The following KIDINS220 variants were observed in gnomAD, a reference collection of about 807,000 sequenced individuals.
The protein encoded by KIDINS220 is kinase D interacting substrate 220.
Under a neutral mutation model 157.6 loss-of-function variants are expected in KIDINS220, and 63 were observed. The observed-to-expected ratio is 0.40, with a 90% CI of 0.33 to 0.49. KIDINS220 has a LOEUF of 0.49. KIDINS220 is among the 20% of genes least tolerant of loss of function. The probability of loss-of-function intolerance (pLI) is 0.66; values close to 1 mark genes in which losing one functional copy is unlikely to be tolerated. For missense variants in KIDINS220, 1,772 were observed against 2,171.2 expected (o/e 0.82, Z 3.65); for synonymous variants, 732 against 783.6 (o/e 0.93, Z 1.10).
downstream of KIDINS220, chr2:8,726,836 C>G: frequency 3.2e-6 from 3 of 952,306 alleles, no homozygotes; most frequent in Non-Finnish European, 2.9e-6. Context: ...CCAAAACGTC[C>G]TAACGTGGCA....
At chr2:8,736,765 G>GA in intron 27 of KIDINS220, 103 bp downstream of exon 27, 1 of 1,210,688 alleles carries the variant, frequency 8.3e-7, no homozygotes, top group Non-Finnish European at 1.1e-6. Flanking sequence ...TTTTAACAGG[G>GA]AATGCATGTT....
At chr2:8,767,474 A>G (rs1669630754) in intron 22 of KIDINS220, among the ~76,000 whole-genome samples, 1 of 152,208 alleles carries the variant, frequency 6.6e-6, no homozygotes, top group Non-Finnish European at 1.5e-5. Context: ...ACTTTGTACT[A>G]CAAAGGAGGT....
At position 8,806,527 on chromosome 2, in the gene KIDINS220, CATTT is replaced by C. The variant is rs528301040; in HGVS notation, c.505-162_505-159del. 6.8e-5 allele frequency: 37 copies of C among 541,766 alleles called. 3 individuals carry two copies. The highest frequency in any genetic ancestry group is 6.4e-4 in the African/African-American group (33 of 51,462). The allele number at this position is 541,766 out of a possible 1,614,324, so 33.6% of individuals were successfully genotyped here. A position where few individuals can be genotyped will look rare whatever the true frequency, so the allele number is the denominator to read the frequency against. On this transcript the variant is annotated intron_variant, in intron 6 of 29. Coordinates refer to ENST00000256707, the MANE Select transcript of KIDINS220 (RefSeq NM_020738.4). ...AATCTTAGATAAATCCTATTTCTCC[CATTT>C]TATTTCTCCTGAGTAGATTAACCAG...
At chr2:8,806,805 T>G (rs1271700850) in intron 6 of KIDINS220, among the ~76,000 whole-genome samples, 2 of 152,184 alleles carry the variant, frequency 1.3e-5, no homozygotes, top group South Asian at 4.1e-4. Flanking sequence ...GGTCTTGAAC[T>G]CCTGACCTCA....
At chr2:8,727,652 T>C (rs961585713), downstream of KIDINS220, among the ~76,000 whole-genome samples, 2 of 152,236 alleles carry the variant, frequency 1.3e-5, no homozygotes, top group African/African-American at 4.8e-5. Flanking sequence ...CAGTCTAACA[T>C]GCAAATGTTC....
chr2:8,815,306 T>C (rs542293038), intron 4 of KIDINS220, among the ~76,000 whole-genome samples: 1 of 147,488 alleles, frequency 6.8e-6, no homozygotes, highest in African/African-American at 2.5e-5. Flanking sequence ...GGAGCTGAAA[T>C]GGGAGGATCG....
At chr2:8,733,864 A>G (rs1326653240) in intron 28 of KIDINS220, among the ~76,000 whole-genome samples, 184 bp from the exon 29 acceptor site, 1 of 152,226 alleles carries the variant, frequency 6.6e-6, no homozygotes, top group Non-Finnish European at 1.5e-5. Flanking sequence ...CATTAATACT[A>G]AAGGAAGCAA....
intron 21 of KIDINS220, among the ~76,000 whole-genome samples, chr2:8,772,086 G>A (rs1160567774): frequency 6.6e-6 from 1 of 152,212 alleles, no homozygotes; most frequent in Non-Finnish European, 1.5e-5. Context: ...GCAGAGTGAG[G>A]ACATTCAGAC....
rs1458280741 is a variant in KIDINS220 at position 8,731,503 on chromosome 2, T to C, written c.4533A>G (p.Gly1511=). 1 of 1,614,082 alleles carries C rather than the reference T, an allele frequency of 6.2e-7. No individual in the cohort carries two copies. Among genetic ancestry groups the C allele is most frequent in the Non-Finnish European group, 8.5e-7 (1 of 1,180,046 alleles). The change falls in exon 30 of 30, where the codon GGA becomes GGG. Residue 1511 remains glycine, a synonymous_variant. Coordinates refer to ENST00000256707, the MANE Select transcript of KIDINS220 (RefSeq NM_020738.4). This position sits in a 1 kb window ranked among gnomAD's most constrained non-coding sequence, Gnocchi z 5.2. Reference sequence around the variant, plus strand: ...GGAGTTTTTGATAGCGCAGCCCACTTCCCTTAAGCTTCAAATCTGTCTGGA... The same window carrying C: ...GGAGTTTTTGATAGCGCAGCCCACTCCCCTTAAGCTTCAAATCTGTCTGGA... ...SLFQTDLKLK[G]SGLRYQKLPS...
chr2:8,812,660 T>C (rs1676490955), intron 5 of KIDINS220, among the ~76,000 whole-genome samples, 167 bp from the exon 6 acceptor site: 1 of 152,178 alleles, frequency 6.6e-6, no homozygotes, highest in South Asian at 2.1e-4. Flanking sequence ...AAAGTAATGT[T>C]TTTTTTAAAT....
chr2:8,731,674 C>T lies in KIDINS220; in HGVS notation c.4362G>A (p.Arg1454=). ...DDGRKSFLMK[R]GDVIDYSSSG... ...ATGATGAATAATCGATAACATCTCCCCTCTTCATTAGAAAGGACTTCCTCC... is the reference window on the plus strand; with the variant it reads ...ATGATGAATAATCGATAACATCTCCTCTCTTCATTAGAAAGGACTTCCTCC... The change falls in exon 30 of 30, where the codon AGG becomes AGA. Residue 1454 remains arginine (R), a synonymous_variant. Coordinates refer to ENST00000256707, the MANE Select transcript of KIDINS220 (RefSeq NM_020738.4). The surrounding 1 kb of genome is among the most constrained non-coding windows in gnomAD (Gnocchi z 5.2). 1.2e-6 allele frequency: 2 copies of T among 1,614,112 alleles called. No individual in the cohort carries two copies. The highest frequency in any genetic ancestry group is 1.1e-5 in the South Asian group (1 of 91,078).
intron 8 of KIDINS220, among the ~76,000 whole-genome samples, chr2:8,801,090 G>A (rs775382724): frequency 3.9e-5 from 6 of 152,108 alleles, no homozygotes; most frequent in African/African-American, 4.8e-5. Flanking sequence ...ACCTCATGAG[G>A]ACATTGCTCT....
chr2:8,730,419 T>C lies in KIDINS220; in HGVS notation c.*301A>G. On this transcript the variant is annotated 3_prime_UTR_variant, in exon 30 of 30. Coordinates refer to ENST00000256707, the MANE Select transcript of KIDINS220 (RefSeq NM_020738.4). Reference sequence around the variant, plus strand: ...AGCCCTTTAAAATACTTCTGACCTATCTTTATACTCAGATCTCACCTCGTC... The same window carrying C: ...AGCCCTTTAAAATACTTCTGACCTACCTTTATACTCAGATCTCACCTCGTC... 1 of 1,169,578 alleles carries C rather than the reference T, an allele frequency of 8.6e-7. No individual in the cohort carries two copies. Among genetic ancestry groups the C allele is most frequent in the South Asian group, 3.5e-5 (1 of 28,544 alleles). 72.5% of individuals were successfully genotyped at this position (1,169,578 alleles called of 1,614,324 possible). A position where few individuals can be genotyped will look rare whatever the true frequency, so the allele number is the denominator to read the frequency against.
rs1674240043 is a variant in KIDINS220, at chr2:8,798,318, AC to A, written c.901-19del. On this transcript the variant is annotated intron_variant, in intron 9 of 29. Transcript: ENST00000256707. ...TTATTATCCTAGATAATTAAAAAAA[AC>A]ACAATCACTTCATGTAAGATACAAT... The A allele has an allele frequency of 3.8e-6, 5 of 1,323,970 alleles. No individual in the cohort carries two copies. The highest frequency in any genetic ancestry group is 1.2e-5 in the South Asian group (1 of 84,272). The allele number at this position is 1,323,970 out of a possible 1,614,324, so 82.0% of individuals were successfully genotyped here. A position where few individuals can be genotyped will look rare whatever the true frequency, so the allele number is the denominator to read the frequency against.
At chr2:8,785,297 T>C (rs1299372107) in intron 17 of KIDINS220, among the ~76,000 whole-genome samples, 1 of 152,092 alleles carries the variant, frequency 6.6e-6, no homozygotes, top group Non-Finnish European at 1.5e-5. Context: ...GCACAGAAGA[T>C]TTTGAGGGCA....
chr2:8,753,849 G>A (rs997523558), intron 22 of KIDINS220, among the ~76,000 whole-genome samples: 5 of 152,204 alleles, frequency 3.3e-5, no homozygotes, highest in Non-Finnish European at 7.3e-5. Context: ...AGAATAGGGT[G>A]CTGGGGAGAA....
At chr2:8,786,385 ACTTT>A in intron 15 of KIDINS220, 28 bp from the exon 16 acceptor site, 1 of 1,570,506 alleles carries the variant, frequency 6.4e-7, no homozygotes, top group Non-Finnish European at 8.8e-7. Flanking sequence ...ATCAAACATT[ACTTT>A]ATTATCTAAA....
At chr2:8,807,807 A>C (rs574977787) in intron 6 of KIDINS220, among the ~76,000 whole-genome samples, 4 of 152,292 alleles carry the variant, frequency 2.6e-5, no homozygotes, top group East Asian at 3.9e-4. Context: ...GCCTCAAAGC[A>C]GGCTTAGGAA....
At chr2:8,758,115 G>A (rs553241009) in intron 22 of KIDINS220, among the ~76,000 whole-genome samples, 1 of 152,238 alleles carries the variant, frequency 6.6e-6, no homozygotes, top group East Asian at 1.9e-4. Flanking sequence ...TGCCTGCATC[G>A]GCCTGCTAAA....
Sources: allele counts gnomAD v4.1 joint callset (sites outside exome capture counted in the v4.1 genomes callset), GRCh38; gene constraint gnomAD v4.1.1; non-coding constraint Gnocchi (gnomAD v3.1); transcripts MANE v1.5; gene names NCBI Gene and HGNC (gene_info 2026-07-23, HGNC 2026-07-21).